PLPPR5: variants seen among roughly 807,000 people sequenced by gnomAD.
PLPPR5 encodes the protein phospholipid phosphatase-related protein type 5.
A neutral mutation model predicts 33.9 loss-of-function variants in PLPPR5; 16 were observed. That is an observed-to-expected ratio of 0.47 (90% CI 0.32 to 0.72). PLPPR5 has a LOEUF of 0.72. Among genes scored for constraint, PLPPR5 ranks in the 30% least tolerant of loss-of-function variants. The pLI is 0.03. For synonymous variants in PLPPR5, 163 were observed against 150.3 expected, an observed-to-expected ratio of 1.08 and a Z score of -0.62; for missense variants, 301 against 406.7, an observed-to-expected ratio of 0.74 and a Z score of 2.23.
chr1:98,893,237 A>G (rs979534705), intron 5 of PLPPR5, 133 bp from the exon 6 acceptor site: 2 of 706,616 alleles, frequency 2.8e-6, no homozygotes, highest in African/African-American at 1.9e-5. Context: ...GCATTATTAA[A>G]CTAAGTTTTA....
At chr1:98,913,141 A>G (rs1202266571) in intron 5 of PLPPR5, among the ~76,000 whole-genome samples, 1 of 152,142 alleles carries the variant, frequency 6.6e-6, no homozygotes, top group African/African-American at 2.4e-5. Flanking sequence ...TCCCTCTGTC[A>G]TACAAGAGCC....
chr1:98,925,646 C>G (rs1333556672), intron 3 of PLPPR5, among the ~76,000 whole-genome samples: 1 of 151,896 alleles, frequency 6.6e-6, no homozygotes, highest in Non-Finnish European at 1.5e-5. Flanking sequence ...TGAGAAAACA[C>G]TGAACTATTA....
chr1:98,921,783 T>C, intron 4 of PLPPR5, 99 bp downstream of exon 4: 1 of 943,708 alleles, frequency 1.1e-6, no homozygotes, highest in Non-Finnish European at 1.6e-6. Flanking sequence ...TTTGATATAC[T>C]ACATTTAGAC....
intron 3 of PLPPR5, among the ~76,000 whole-genome samples, chr1:98,928,880 G>A (rs918839215): frequency 1.3e-5 from 2 of 151,760 alleles, no homozygotes; most frequent in Admixed American, 6.6e-5. Context: ...TAATATCATG[G>A]AATTATTTAG....
intron 3 of PLPPR5, among the ~76,000 whole-genome samples, chr1:98,942,530 C>T (rs1221208630): frequency 1.3e-5 from 2 of 152,162 alleles, no homozygotes; most frequent in Non-Finnish European, 2.9e-5. Flanking sequence ...TTTCTCTAAT[C>T]TCTATTTCAA....
At chr1:98,909,160 T>C (rs1649022111) in intron 5 of PLPPR5, among the ~76,000 whole-genome samples, 3 of 151,858 alleles carry the variant, frequency 2.0e-5, no homozygotes, top group Admixed American at 6.6e-5. Context: ...CATGGTCCAC[T>C]AACCTCAGTT....
intron 3 of PLPPR5, among the ~76,000 whole-genome samples, chr1:98,928,890 G>A (rs931588095): frequency 6.6e-6 from 1 of 151,806 alleles, no homozygotes; most frequent in African/African-American, 2.4e-5. Flanking sequence ...GAATTATTTA[G>A]GGTTTTCTAA....
At chr1:98,911,830 G>C (rs1649162553) in intron 5 of PLPPR5, among the ~76,000 whole-genome samples, 1 of 151,854 alleles carries the variant, frequency 6.6e-6, no homozygotes, top group Non-Finnish European at 1.5e-5. Context: ...TGTGATCATA[G>C]TGCACTGCAG....
At chr1:98,907,369 T>G (rs996455068) in intron 5 of PLPPR5, among the ~76,000 whole-genome samples, 3 of 151,928 alleles carry the variant, frequency 2.0e-5, no homozygotes, top group Admixed American at 2.0e-4. Flanking sequence ...GCCCAGCTGA[T>G]TTTTGTATTT....
chr1:98,970,663 T>A (rs1316811864), intron 1 of PLPPR5, among the ~76,000 whole-genome samples: 1 of 151,896 alleles, frequency 6.6e-6, no homozygotes, highest in Non-Finnish European at 1.5e-5. Context: ...CCCTATGAGG[T>A]TGATATTATT....
rs551578840 is a variant in PLPPR5, at chr1:98,890,582, T to C, written c.*2490A>G. ...TGACCTGGGCCCCAAGTAAGTAGAA[T>C]AAAAAGGAGATGTTTTTATCAGAAA... On this transcript the variant is annotated 3_prime_UTR_variant, in exon 6 of 6. Transcript: ENST00000263177. 6 of 152,672 alleles carry C rather than the reference T, an allele frequency of 3.9e-5. No homozygotes were observed. The South Asian group carries it at 1.2e-3, about 32-fold the overall frequency. The allele number at this position is 152,672 out of a possible 1,614,324, so 9.5% of individuals were successfully genotyped here.
chr1:98,999,071 C>G (rs1188236641), intron 1 of PLPPR5, among the ~76,000 whole-genome samples: 2 of 152,124 alleles, frequency 1.3e-5, no homozygotes, highest in Admixed American at 1.3e-4. Context: ...GCTTTTCTTC[C>G]TATTCAGACT....
chr1:98,976,472 A>G (rs930358538), intron 1 of PLPPR5, among the ~76,000 whole-genome samples: 2 of 152,070 alleles, frequency 1.3e-5, no homozygotes, highest in Admixed American at 1.3e-4. Flanking sequence ...AAAATAGTGC[A>G]TATCAATTCA....
At chr1:98,968,355 G>A (rs1376932614) in intron 1 of PLPPR5, among the ~76,000 whole-genome samples, 2 of 151,990 alleles carry the variant, frequency 1.3e-5, no homozygotes, top group Non-Finnish European at 2.9e-5. Context: ...TGGGTTATTA[G>A]TAAGCTTTCC....
intron 1 of PLPPR5, among the ~76,000 whole-genome samples, chr1:98,991,957 T>C (rs1652465717): frequency 6.6e-6 from 1 of 152,190 alleles, no homozygotes. Context: ...TGAGTCACTG[T>C]TCATTTCATT....
chr1:98,940,793 A>C (rs1650342416), intron 3 of PLPPR5, among the ~76,000 whole-genome samples: 1 of 151,948 alleles, frequency 6.6e-6, no homozygotes, highest in Non-Finnish European at 1.5e-5. Context: ...GGTATTTCAA[A>C]TGTGGAACCA....
At chr1:98,961,771 C>T (rs1480015165) in intron 1 of PLPPR5, among the ~76,000 whole-genome samples, 1 of 152,128 alleles carries the variant, frequency 6.6e-6, no homozygotes, top group East Asian at 1.9e-4. Context: ...GATTTTGAAT[C>T]AGAGGCTCTC....
At chr1:98,945,787 T>C (rs947569870) in intron 3 of PLPPR5, among the ~76,000 whole-genome samples, 8 of 152,188 alleles carry the variant, frequency 5.3e-5, no homozygotes, top group Non-Finnish European at 2.9e-5. Flanking sequence ...GCAGAACAAT[T>C]GGACCATGAA....
rs1557699423 is a variant in PLPPR5, at chr1:99,001,669, A to ATAT, written c.237+2765_237+2766insATA. Among the ~76,000 whole-genome samples, 302 of 64,280 alleles carry ATAT rather than the reference A, an allele frequency of 4.7e-3. 1 individual carries two copies. The highest frequency in any genetic ancestry group is 0.017 in the African/African-American group (288 of 16,642). The allele number at this position is 64,280 out of a possible 152,430, so 42.2% of individuals were successfully genotyped here. A position where few individuals can be genotyped will look rare whatever the true frequency, so the allele number is the denominator to read the frequency against. ...GAACTAGAAATGAGTTTGAAAGTTA[A>ATAT]AGATATATATATATATATATATATA... On this transcript the variant is annotated intron_variant, in intron 1 of 5. Transcript: ENST00000263177.
Sources: gnomAD v4.1 joint callset for allele counts (sites outside exome capture counted in the v4.1 genomes callset) on GRCh38, gnomAD v4.1.1 for gene constraint, MANE v1.5 for transcripts, NCBI Gene and HGNC (gene_info 2026-07-23, HGNC 2026-07-21) for gene names.